The following NEK10 variants were observed in gnomAD, a reference collection of about 807,000 sequenced individuals.
NEK10 encodes the protein serine/threonine-protein kinase Nek10.
In NEK10, 122 loss-of-function variants were observed where a neutral mutation model predicts 159.8. The observed-to-expected ratio is 0.76, with a 90% confidence interval of 0.66 to 0.89. The LOEUF (loss-of-function observed/expected upper bound fraction) is 0.89, where lower values mean the gene tolerates loss of function less well. NEK10 is among the 40% of genes least tolerant of loss of function. NEK10 has a pLI of 0.00. For missense variants in NEK10, 1,342 were observed against 1,323.1 expected (o/e 1.01, Z -0.22); for synonymous variants, 466 against 457.1 (o/e 1.02, Z -0.25).
At chr3:27,352,569 G>T in intron 2 of NEK10, 44 bp from the exon 3 acceptor site, 1 of 1,424,158 alleles carries the variant, frequency 7.0e-7, no homozygotes, top group Non-Finnish European at 9.9e-7. Context: ...GAAGGCTCCA[G>T]GTGAACAAGA....
intron 33 of NEK10, 151 bp downstream of exon 33, chr3:27,119,609 T>A: frequency 1.8e-6 from 1 of 554,070 alleles, no homozygotes; most frequent in East Asian, 2.9e-5. Context: ...ATTTCTAGAT[T>A]CCTACCATAT....
intron 22 of NEK10, chr3:27,278,618 C>T (rs1387074413): frequency 1.3e-6 from 1 of 780,988 alleles, no homozygotes; most frequent in Non-Finnish European, 1.6e-6. Flanking sequence ...ATGTGACCTT[C>T]TGTGTCATGT....
chr3:27,317,034 G>A (rs2045255634), intron 6 of NEK10, among the ~76,000 whole-genome samples: 1 of 152,220 alleles, frequency 6.6e-6, no homozygotes, highest in South Asian at 2.1e-4. Context: ...GAGAAGTGCT[G>A]CTATAGAGTA....
At chr3:27,153,164 C>CA (rs1303594482) in intron 30 of NEK10, among the ~76,000 whole-genome samples, 2 of 151,898 alleles carry the variant, frequency 1.3e-5, no homozygotes, top group East Asian at 1.9e-4. Flanking sequence ...ACTAAAAATA[C>CA]AAAAAATTAG....
chr3:27,204,315 T>TTTTTTTTTTTTGTTTTG (rs1559606319), intron 23 of NEK10, among the ~76,000 whole-genome samples: 19 of 113,250 alleles, frequency 1.7e-4, no homozygotes, highest in South Asian at 3.3e-4. Flanking sequence ...TTTTTTTTTT[T>TTTTTTTTTTTTGTTTTG]TTTTTTATTA....
At chr3:27,267,773 C>T (rs1283040645) in intron 22 of NEK10, among the ~76,000 whole-genome samples, 1 of 152,168 alleles carries the variant, frequency 6.6e-6, no homozygotes, top group Non-Finnish European at 1.5e-5. Context: ...GGCCTCCAAT[C>T]ATTCAAGTGA....
intron 5 of NEK10, among the ~76,000 whole-genome samples, chr3:27,336,260 A>T (rs986847723): frequency 7.2e-5 from 11 of 152,170 alleles, no homozygotes; most frequent in Admixed American, 6.5e-4. Flanking sequence ...GGAAATGGAT[A>T]AATTCCTAGA....
chr3:27,187,198 C>T (rs1948696720), intron 26 of NEK10, among the ~76,000 whole-genome samples: 1 of 152,066 alleles, frequency 6.6e-6, no homozygotes, highest in Non-Finnish European at 1.5e-5. Flanking sequence ...CAGCAGGGGC[C>T]AATAGAAGAA....
At chr3:27,198,739 A>G (rs1949775932) in intron 25 of NEK10, among the ~76,000 whole-genome samples, 1 of 152,172 alleles carries the variant, frequency 6.6e-6, no homozygotes, top group Admixed American at 6.5e-5. Flanking sequence ...ACATAGGCAC[A>G]GGCAAAGATT....
Position 27,131,951 on chromosome 3 carries a change from T to C in NEK10, c.3010A>G (p.Ile1004Val), listed in dbSNP as rs940450429. 4.4e-6 allele frequency: 7 copies of C among 1,608,894 alleles called. No individual in the cohort carries two copies. The highest frequency in any genetic ancestry group is 3.3e-5 in the South Asian group (3 of 90,844). The change falls in exon 32 of 36, where the codon ATA (isoleucine) becomes GTA (valine). Residue 1004 changes from isoleucine (I) to valine (V), a missense_variant. Physicochemically the swap from Ile to Val is conservative, Grantham distance 29. Coordinates refer to ENST00000691995, the MANE Select transcript of NEK10 (RefSeq NM_001394966.1). The stretch of plus-strand genomic sequence containing the variant: ...AAGAGGGATTTCTTGAATCTCTCTA[T>C]AACCCTTCTTTTCAAATTGTGGTGC... ...ALHHNLKRRV[I>V]ERFKKSLFSQ... is the part of the protein sequence containing the mutation.
intron 23 of NEK10, among the ~76,000 whole-genome samples, chr3:27,216,216 C>T (rs2149124620): frequency 6.6e-6 from 1 of 152,220 alleles, no homozygotes; most frequent in African/African-American, 2.4e-5. Flanking sequence ...AACCCCTGCC[C>T]AAGAGAAGGG....
chr3:27,131,012 G>A (rs1421506219), intron 32 of NEK10, among the ~76,000 whole-genome samples: 3 of 152,102 alleles, frequency 2.0e-5, no homozygotes, highest in African/African-American at 7.2e-5. Flanking sequence ...AAAGAATGTT[G>A]TTTGCATTTC....
At chr3:27,364,982 C>T (rs2048956311) in intron 1 of NEK10, among the ~76,000 whole-genome samples, 1 of 152,166 alleles carries the variant, frequency 6.6e-6, no homozygotes, top group Admixed American at 6.5e-5. Context: ...CATTCATTTG[C>T]CAAGGTCCCA....
intron 26 of NEK10, 90 bp downstream of exon 26, chr3:27,191,939 C>T: frequency 9.0e-7 from 1 of 1,113,284 alleles, no homozygotes; most frequent in South Asian, 1.4e-5. Flanking sequence ...ATTTTTCTAA[C>T]TTTTGATGAA....
chr3:27,133,387 T>C (rs1338809474), intron 31 of NEK10, among the ~76,000 whole-genome samples: 3 of 152,226 alleles, frequency 2.0e-5, no homozygotes, highest in African/African-American at 7.2e-5. Context: ...ATAAAAACTT[T>C]TCATCATCCC....
chr3:27,321,312 C>T (rs936772517), intron 6 of NEK10, among the ~76,000 whole-genome samples: 1 of 152,138 alleles, frequency 6.6e-6, no homozygotes, highest in Non-Finnish European at 1.5e-5. Flanking sequence ...TTTATACATA[C>T]TGAGTCAGAT....
intron 30 of NEK10, among the ~76,000 whole-genome samples, chr3:27,151,718 C>G (rs1004600867): frequency 6.6e-6 from 1 of 152,080 alleles, no homozygotes; most frequent in South Asian, 2.1e-4. Flanking sequence ...AGGGAGGAAC[C>G]AGAGAAAGGT....
At chr3:27,186,705 T>C (rs1948654671) in intron 26 of NEK10, among the ~76,000 whole-genome samples, 1 of 152,208 alleles carries the variant, frequency 6.6e-6, no homozygotes, top group African/African-American at 2.4e-5. Flanking sequence ...TTTGTACACA[T>C]AGTGCCTGAC....
At chr3:27,290,775 AC>A in intron 18 of NEK10, 21 bp from the exon 19 acceptor site, 1 of 1,576,516 alleles carries the variant, frequency 6.3e-7, no homozygotes, top group Non-Finnish European at 8.6e-7. Context: ...GAAAAACACA[AC>A]AACAACAAAA....
Sources: allele counts gnomAD v4.1 joint callset (sites outside exome capture counted in the v4.1 genomes callset), GRCh38; gene constraint gnomAD v4.1.1; transcripts MANE v1.5; gene names NCBI Gene and HGNC (gene_info 2026-07-23, HGNC 2026-07-21).